Variants in LRFN5 observed in about 807,000 individuals in gnomAD.
LRFN5 encodes the protein leucine-rich repeat and fibronectin type-III domain-containing protein 5.
Under a neutral mutation model 45.6 loss-of-function variants are expected in LRFN5, and 24 were observed. That is an observed-to-expected ratio of 0.53 (90% CI 0.38 to 0.74). The LOEUF (loss-of-function observed/expected upper bound fraction) is 0.74. LRFN5 is among the 30% of genes least tolerant of loss of function. The pLI, the probability that LRFN5 is intolerant of heterozygous loss-of-function variation, is 0.00. For missense variants in LRFN5, 776 were observed against 861.5 expected (o/e 0.90, Z 1.24); for synonymous variants, 340 against 313.8 (o/e 1.08, Z -0.88).
chr14:41,904,399 CA>C lies in LRFN5; in HGVS notation c.*226del, dbSNP rs1891194498. ...CCAAATTTTTTTTTCTTCTGGCCTA[CA>C]AGTATTTTTTTTTTAAAAAAGAAAA... On this transcript the variant is annotated 3_prime_UTR_variant, in exon 6 of 6. Transcript: ENST00000298119. The C allele has an allele frequency of 8.8e-6, 4 of 455,394 alleles. No homozygotes were observed. In the Admixed American group the frequency reaches 1.6e-4, roughly 18 times the overall value. The allele number at this position is 455,394 out of a possible 1,614,324, so 28.2% of individuals were successfully genotyped here. A position where few individuals can be genotyped will look rare whatever the true frequency, so the allele number is the denominator to read the frequency against.
At chr14:41,864,984 A>G (rs1214011277) in intron 2 of LRFN5, among the ~76,000 whole-genome samples, 1 of 152,098 alleles carries the variant, frequency 6.6e-6, no homozygotes, top group African/African-American at 2.4e-5. Context: ...AGCAAACCAC[A>G]TCACATTAAA....
chr14:41,753,334 T>G (rs1187937031), intron 1 of LRFN5, among the ~76,000 whole-genome samples: 2 of 152,194 alleles, frequency 1.3e-5, no homozygotes, highest in Non-Finnish European at 2.9e-5. Context: ...CGGATGGCAT[T>G]GAATCTATAA....
chr14:41,801,846 TCTTA>T (rs1234815074), intron 2 of LRFN5, among the ~76,000 whole-genome samples: 12 of 152,134 alleles, frequency 7.9e-5, no homozygotes, highest in African/African-American at 2.9e-4. Context: ...ACGAGTCTCA[TCTTA>T]CTTGCCAGTT....
intron 2 of LRFN5, among the ~76,000 whole-genome samples, chr14:41,857,276 A>T (rs890701055): frequency 3.9e-5 from 6 of 152,186 alleles, no homozygotes; most frequent in Non-Finnish European, 8.8e-5. Flanking sequence ...TGGTAGAGCC[A>T]TGCTTTGATG....
At chr14:41,840,206 C>A (rs994713601) in intron 2 of LRFN5, among the ~76,000 whole-genome samples, 4 of 151,958 alleles carry the variant, frequency 2.6e-5, no homozygotes, top group Non-Finnish European at 5.9e-5. Context: ...GATTATATGA[C>A]CTTCAAAAGT....
intron 1 of LRFN5, among the ~76,000 whole-genome samples, chr14:41,615,194 A>C (rs1887890420): frequency 6.6e-6 from 1 of 152,110 alleles, no homozygotes; most frequent in Non-Finnish European, 1.5e-5. Context: ...ACTAAGCTTG[A>C]GTAACTTTAG....
At chr14:41,637,608 G>A (rs1358289828) in intron 1 of LRFN5, among the ~76,000 whole-genome samples, 5 of 152,090 alleles carry the variant, frequency 3.3e-5, no homozygotes, top group Non-Finnish European at 7.4e-5. Flanking sequence ...TTTCAGTCAA[G>A]CCCAGAACTC....
At chr14:41,624,954 G>C (rs1346354360) in intron 1 of LRFN5, among the ~76,000 whole-genome samples, 1 of 151,042 alleles carries the variant, frequency 6.6e-6, no homozygotes, top group East Asian at 1.9e-4. Context: ...ACTATTTCCA[G>C]ATAAAATATC....
chr14:41,852,743 CCTT>C (rs1193031031), intron 2 of LRFN5, among the ~76,000 whole-genome samples: 1 of 151,878 alleles, frequency 6.6e-6, no homozygotes, highest in Non-Finnish European at 1.5e-5. Flanking sequence ...TCTATGCTAT[CCTT>C]CTTTCAGAGA....
chr14:41,864,979 A>G (rs1227021861), intron 2 of LRFN5, among the ~76,000 whole-genome samples: 1 of 151,982 alleles, frequency 6.6e-6, no homozygotes, highest in Admixed American at 6.6e-5. Context: ...TAGGCAGCAA[A>G]CCACATCACA....
intron 2 of LRFN5, among the ~76,000 whole-genome samples, chr14:41,821,777 ATT>A (rs112591355): frequency 4.5e-5 from 2 of 44,336 alleles, no homozygotes; most frequent in African/African-American, 1.1e-4. Context: ...TGGGGGAGGG[ATT>A]TTTTTTTTTA....
intron 2 of LRFN5, among the ~76,000 whole-genome samples, chr14:41,836,373 A>G (rs1042597814): frequency 4.6e-5 from 7 of 152,250 alleles, no homozygotes; most frequent in African/African-American, 1.7e-4. Flanking sequence ...TTTAAAATGC[A>G]TGAATTGCAC....
In LRFN5 at chr14:41,767,251, AT is replaced by A. The variant is rs201103728; in HGVS notation, c.-21+233del. 1.6e-3 allele frequency among the ~76,000 whole-genome samples: 237 copies of A among 145,470 alleles called. 1 individual carries two copies. Among genetic ancestry groups the A allele is most frequent in the African/African-American group, 4.5e-3 (179 of 40,026 alleles). ...ACCTCTATCCTTATGGAATTTTCTGATTTTTTTTTTTAGGATTTGTGTTTCA... is the reference window on the plus strand; with the variant it reads ...ACCTCTATCCTTATGGAATTTTCTGATTTTTTTTTTAGGATTTGTGTTTCA... On this transcript the variant is annotated intron_variant, in intron 2 of 5. Transcript: ENST00000298119.
chr14:41,616,403 A>T (rs1887926464), intron 1 of LRFN5, among the ~76,000 whole-genome samples: 1 of 152,200 alleles, frequency 6.6e-6, no homozygotes, highest in Non-Finnish European at 1.5e-5. Context: ...GTCTAGAGTG[A>T]GAAACAAACA....
chr14:41,876,280 T>TTTC (rs1555328649), intron 2 of LRFN5, among the ~76,000 whole-genome samples: 2 of 116,636 alleles, frequency 1.7e-5, no homozygotes, highest in Non-Finnish European at 3.3e-5. Flanking sequence ...TTTCTTTCTT[T>TTTC]TTTTTTTTTT....
intron 1 of LRFN5, among the ~76,000 whole-genome samples, chr14:41,617,764 C>A (rs947693660): frequency 1.3e-5 from 2 of 152,062 alleles, no homozygotes; most frequent in African/African-American, 4.8e-5. Flanking sequence ...TTACCATCTG[C>A]AGGAGGGACT....
chr14:41,687,230 GA>G (rs1356387757), intron 1 of LRFN5, among the ~76,000 whole-genome samples: 3 of 152,108 alleles, frequency 2.0e-5, no homozygotes, highest in Non-Finnish European at 4.4e-5. Context: ...ACAACCACAT[GA>G]ATAAAAGCTC....
At chr14:41,824,089 G>T (rs1594441956) in intron 2 of LRFN5, among the ~76,000 whole-genome samples, 1 of 151,578 alleles carries the variant, frequency 6.6e-6, no homozygotes, top group Non-Finnish European at 1.5e-5. Context: ...TGATTTCTTT[G>T]TGTTGGTTTT....
intron 2 of LRFN5, among the ~76,000 whole-genome samples, chr14:41,798,061 A>C (rs962915046): frequency 3.3e-5 from 5 of 151,874 alleles, no homozygotes; most frequent in Admixed American, 2.6e-4. Context: ...TCCCCGCTTT[A>C]ACTTAGACTT....
Sources: gnomAD v4.1 joint callset for allele counts (sites outside exome capture counted in the v4.1 genomes callset) on GRCh38, gnomAD v4.1.1 for gene constraint, MANE v1.5 for transcripts, NCBI Gene and HGNC (gene_info 2026-07-23, HGNC 2026-07-21) for gene names.